ARL13B: variants seen among roughly 807,000 people sequenced by gnomAD.
ARL13B encodes ARF like GTPase 13B.
In ARL13B, 36 loss-of-function variants were observed where a neutral mutation model predicts 56.1. The ratio of observed to expected loss-of-function variants is 0.64; its 90% confidence interval spans 0.49 to 0.85. ARL13B has a LOEUF of 0.85. ARL13B is among the 40% of genes least tolerant of loss of function. The pLI is 0.00. For missense variants in ARL13B, 519 were observed against 507.1 expected, an observed-to-expected ratio of 1.02 and a Z score of -0.23; for synonymous variants, 178 against 171.1, an observed-to-expected ratio of 1.04 and a Z score of -0.32.
chr3:94,037,950 C>T lies in ARL13B; in HGVS notation c.689+1196C>T, dbSNP rs1011434118. On this transcript the variant is annotated intron_variant, in intron 5 of 9. Transcript: ENST00000394222. ...ATGCCAGTTGTGGTCTGAGACCTCT[C>T]CTCTTGAGGAGACCTCTTCTGTTGA... 1.3e-5 allele frequency among the ~76,000 whole-genome samples: 2 copies of T among 152,082 alleles called. No individual in the cohort carries two copies. The highest frequency in any genetic ancestry group is 2.9e-5 in the Non-Finnish European group (2 of 68,024).
chr3:94,035,439 A>G lies in ARL13B; in HGVS notation c.486+3A>G. 1 of 1,547,014 alleles carries G rather than the reference A, an allele frequency of 6.5e-7. No individual in the cohort carries two copies. The highest frequency in any genetic ancestry group is 8.8e-7 in the Non-Finnish European group (1 of 1,137,188). The stretch of plus-strand genomic sequence containing the variant: ...AGCACAAGTGCCTGTGTCAGATAGT[A>G]AGGTTTTTTTTTTTTTTTTAATTTT... On this transcript the variant is annotated splice_donor_region_variant and intron_variant, in intron 4 of 9. Coordinates refer to ENST00000394222, the MANE Select transcript of ARL13B (RefSeq NM_001174150.2).
intron 3 of ARL13B, among the ~76,000 whole-genome samples, chr3:94,016,649 CT>C (rs11442452): frequency 9.3e-4 from 133 of 142,370 alleles, no homozygotes; most frequent in Non-Finnish European, 9.3e-4. Flanking sequence ...ATTAAGCTTT[CT>C]TTTTTTTTTT....
At chr3:94,007,545 T>TA (rs754147106) in intron 3 of ARL13B, among the ~76,000 whole-genome samples, 4 of 152,114 alleles carry the variant, frequency 2.6e-5, no homozygotes, top group Non-Finnish European at 5.9e-5. Context: ...AGGCACTTCT[T>TA]ACATGGTGGT....
intron 8 of ARL13B, among the ~76,000 whole-genome samples, chr3:94,050,537 G>T (rs1245464108): frequency 6.6e-6 from 1 of 152,238 alleles, no homozygotes; most frequent in Admixed American, 6.5e-5. Context: ...TTTAGTTTCT[G>T]CCTAGAGTTA....
intron 3 of ARL13B, among the ~76,000 whole-genome samples, chr3:94,022,618 A>G (rs1559992179): frequency 1.3e-5 from 2 of 152,104 alleles, no homozygotes. Flanking sequence ...CACCTAAGGT[A>G]CTGTAGCTGT....
At chr3:94,004,889 G>A (rs1162901475) in intron 3 of ARL13B, among the ~76,000 whole-genome samples, 1 of 152,090 alleles carries the variant, frequency 6.6e-6, no homozygotes, top group African/African-American at 2.4e-5. Flanking sequence ...ACAGGGATAT[G>A]TATGAAGAGA....
At chr3:94,029,759 A>G (rs1022798628) in intron 3 of ARL13B, among the ~76,000 whole-genome samples, 1 of 152,110 alleles carries the variant, frequency 6.6e-6, no homozygotes, top group Non-Finnish European at 1.5e-5. Flanking sequence ...AAAACAAAAC[A>G]CTGGAAACAC....
chr3:94,000,391 T>TA (rs139338208), intron 2 of ARL13B, among the ~76,000 whole-genome samples: 13 of 150,592 alleles, frequency 8.6e-5, no homozygotes, highest in African/African-American at 2.2e-4. Context: ...TGAGCCTAGG[T>TA]AAAAAAAAAT....
chr3:94,050,119 A>T (rs574009944), intron 8 of ARL13B, among the ~76,000 whole-genome samples: 1 of 145,680 alleles, frequency 6.9e-6, no homozygotes, highest in South Asian at 2.2e-4. Context: ...AGCCAAGATC[A>T]CTCCATTGCA....
chr3:94,029,407 G>A (rs1223400266), intron 3 of ARL13B, among the ~76,000 whole-genome samples: 2 of 140,172 alleles, frequency 1.4e-5, no homozygotes, highest in African/African-American at 2.7e-5. Flanking sequence ...GAGTGCAGTG[G>A]CACGATCTTG....
chr3:94,033,526 A>T (rs1378255359), intron 3 of ARL13B, among the ~76,000 whole-genome samples: 3 of 152,198 alleles, frequency 2.0e-5, no homozygotes, highest in Non-Finnish European at 2.9e-5. Context: ...AGTTGGTGAA[A>T]GCTTATTTTT....
intron 3 of ARL13B, among the ~76,000 whole-genome samples, chr3:94,008,276 G>A (rs902306915): frequency 2.6e-5 from 4 of 151,996 alleles, no homozygotes; most frequent in South Asian, 2.1e-4. Context: ...TATGAATTAC[G>A]TTATCTACTC....
rs1330669849 is a variant in ARL13B, at chr3:94,045,943, T to G, written c.1024+2703T>G. 7.1e-5 allele frequency among the ~76,000 whole-genome samples: 7 copies of G among 98,580 alleles called. No homozygotes were observed. In the Admixed American group the frequency reaches 1.1e-3, roughly 15 times the overall value. The allele number at this position is 98,580 out of a possible 152,430, so 64.7% of individuals were successfully genotyped here. On this transcript the variant is annotated intron_variant, in intron 7 of 9. Coordinates refer to ENST00000394222, the MANE Select transcript of ARL13B (RefSeq NM_001174150.2). ...TCCAGCCTGGGCAACAGAGCAAGAC[T>G]CCATCACAAAAAAAAAAAAAAAAAG...
chr3:93,991,406 G>A (rs1375348231), intron 1 of ARL13B, among the ~76,000 whole-genome samples: 1 of 152,144 alleles, frequency 6.6e-6, no homozygotes, highest in Non-Finnish European at 1.5e-5. Flanking sequence ...GGATGACAGG[G>A]TCTCATTCTG....
intron 3 of ARL13B, among the ~76,000 whole-genome samples, chr3:94,004,953 G>A (rs1230054570): frequency 6.6e-6 from 1 of 152,182 alleles, no homozygotes; most frequent in Admixed American, 6.5e-5. Context: ...TTTAAGCAGG[G>A]AATCAGTGAT....
At position 94,053,328 on chromosome 3, in the gene ARL13B, A is replaced by G. The variant is rs747355792; in HGVS notation, c.*65A>G. 2.8e-6 allele frequency: 4 copies of G among 1,404,966 alleles called. No individual in the cohort carries two copies. The South Asian group carries it at 3.5e-5, about 12-fold the overall frequency. The allele number at this position is 1,404,966 out of a possible 1,614,324, so 87.0% of individuals were successfully genotyped here. ...GAACTGGGACATTCTTCTTTCTCAG[A>G]AGAAGAAACATCTTGTAAATTGATG... On this transcript the variant is annotated 3_prime_UTR_variant, in exon 10 of 10. Transcript: ENST00000394222.
intron 3 of ARL13B, among the ~76,000 whole-genome samples, chr3:94,021,182 T>TA (rs2076440195): frequency 1.4e-5 from 2 of 146,432 alleles, no homozygotes; most frequent in African/African-American, 5.0e-5. Flanking sequence ...TTTAATATTA[T>TA]TATATATATA....
In ARL13B at chr3:94,055,023, G is replaced by C. The variant is rs1296407366; in HGVS notation, c.*1760G>C. On this transcript the variant is annotated 3_prime_UTR_variant, in exon 10 of 10. Transcript: ENST00000394222. ...TTTTTAAAATTTGTGTTTTCTATCT[G>C]TTTACTATAGTGTAGCTACTGGCTT... 2.9e-6 allele frequency: 1 copy of C among 345,670 alleles called. No individual in the cohort carries two copies. The highest frequency in any genetic ancestry group is 2.2e-5 in the African/African-American group (1 of 45,334). The allele number at this position is 345,670 out of a possible 1,614,324, so 21.4% of individuals were successfully genotyped here.
chr3:94,010,323 CATT>C (rs1197083005), intron 3 of ARL13B, among the ~76,000 whole-genome samples: 2 of 152,100 alleles, frequency 1.3e-5, no homozygotes, highest in African/African-American at 2.4e-5. Context: ...ATGTGAATAT[CATT>C]ATTATTGATA....
Sources: gnomAD v4.1 joint callset for allele counts (sites outside exome capture counted in the v4.1 genomes callset) on GRCh38, gnomAD v4.1.1 for gene constraint, MANE v1.5 for transcripts, NCBI Gene and HGNC (gene_info 2026-07-23, HGNC 2026-07-21) for gene names.